The following LRFN2 variants were observed in gnomAD, a reference collection of about 807,000 sequenced individuals.
The protein encoded by LRFN2 is leucine-rich repeat and fibronectin type-III domain-containing protein 2.
A neutral mutation model predicts 37.3 loss-of-function variants in LRFN2; 18 were observed. That is an observed-to-expected ratio of 0.48 (90% CI 0.33 to 0.72). The LOEUF is 0.72. LRFN2 is among the 30% of genes least tolerant of loss of function. LRFN2 has a pLI of 0.02. For synonymous variants in LRFN2, 556 were observed against 466.6 expected, an observed-to-expected ratio of 1.19 and a Z score of -2.47; for missense variants, 1,006 against 1,060.7, an observed-to-expected ratio of 0.95 and a Z score of 0.72.
At chr6:40,440,039 C>A (rs555777582) in intron 1 of LRFN2, among the ~76,000 whole-genome samples, 2 of 151,754 alleles carry the variant, frequency 1.3e-5, no homozygotes, top group East Asian at 1.9e-4. Flanking sequence ...TTTCCCCAAA[C>A]AAAACCTTGG....
intron 1 of LRFN2, among the ~76,000 whole-genome samples, chr6:40,585,034 C>T (rs1255347354): frequency 1.3e-5 from 2 of 152,100 alleles, no homozygotes; most frequent in Non-Finnish European, 2.9e-5. Context: ...CAGCTTCTCA[C>T]GTTTCTGGGC....
chr6:40,479,232 A>G (rs1257826600), intron 1 of LRFN2, among the ~76,000 whole-genome samples: 1 of 152,216 alleles, frequency 6.6e-6, no homozygotes, highest in Non-Finnish European at 1.5e-5. Flanking sequence ...CTTCATCACA[A>G]TTAATAGAAG....
At chr6:40,522,093 G>A (rs1284574029) in intron 1 of LRFN2, among the ~76,000 whole-genome samples, 1 of 152,162 alleles carries the variant, frequency 6.6e-6, no homozygotes, top group African/African-American at 2.4e-5. Context: ...GACGTTGTAT[G>A]TGGTGCTGCC....
Position 40,526,099 on chromosome 6 carries a change from C to T in LRFN2, c.-19+60842G>A, listed in dbSNP as rs112729343. ...CACAGTTCTGAGCACTGCTTATGGG[C>T]TGACTGCGTAATTTGCACAATAATC... On this transcript the variant is annotated intron_variant, in intron 1 of 2. Transcript: ENST00000338305. Among the ~76,000 whole-genome samples the T allele has an allele frequency of 8.4e-3, 1,281 of 152,362 alleles. 24 individuals carry two copies. Among genetic ancestry groups the T allele is most frequent in the African/African-American group, 0.03 (1,230 of 41,592 alleles).
chr6:40,506,883 A>T (rs1057158384), intron 1 of LRFN2, among the ~76,000 whole-genome samples: 3 of 152,164 alleles, frequency 2.0e-5, no homozygotes, highest in African/African-American at 7.2e-5. Context: ...GCTTCCTCAG[A>T]TGCCAAATGG....
At chr6:40,456,548 C>T (rs1287424137) in intron 1 of LRFN2, among the ~76,000 whole-genome samples, 2 of 152,172 alleles carry the variant, frequency 1.3e-5, no homozygotes, top group Non-Finnish European at 2.9e-5. Context: ...AAATAATGAT[C>T]GTGCTGCTGC....
chr6:40,392,241 T>G lies in LRFN2; in HGVS notation c.2072A>C (p.His691Pro). The change falls in exon 3 of 3, where the codon CAC becomes CCC. Residue 691 changes from histidine to proline, a missense_variant. Coordinates refer to ENST00000338305, the MANE Select transcript of LRFN2 (RefSeq NM_020737.3). This position sits in a 1 kb window ranked among gnomAD's most constrained non-coding sequence, Gnocchi z 4.7. ...GRGAGTSARG[H>P]HSDREPLLGP... is the part of the protein sequence containing the mutation. ...CAGCAGTGGCTCTCGGTCCGAGTGGTGGCCCCGGGCCGACGTCCCAGCCCC... is the reference window on the plus strand; with the variant it reads ...CAGCAGTGGCTCTCGGTCCGAGTGGGGGCCCCGGGCCGACGTCCCAGCCCC... 6.4e-7 allele frequency: 1 copy of G among 1,573,810 alleles called. No individual in the cohort carries two copies. Among genetic ancestry groups the G allele is most frequent in the South Asian group, 1.2e-5 (1 of 83,696 alleles).
chr6:40,507,348 C>A (rs927824252), intron 1 of LRFN2, among the ~76,000 whole-genome samples: 4 of 152,170 alleles, frequency 2.6e-5, no homozygotes, highest in African/African-American at 9.7e-5. Context: ...GTTTTGATTA[C>A]CACTGTTTAT....
chr6:40,577,824 T>A (rs370066436), intron 1 of LRFN2, among the ~76,000 whole-genome samples: 70,212 of 140,928 alleles, frequency 0.5, 17,454 homozygotes, highest in Middle Eastern at 0.62. Flanking sequence ...TTAAAAAAAA[T>A]AAAAATAAAT....
intron 1 of LRFN2, among the ~76,000 whole-genome samples, chr6:40,437,729 A>ATCC (rs1311379536): frequency 6.6e-6 from 1 of 152,166 alleles, no homozygotes; most frequent in African/African-American, 2.4e-5. Flanking sequence ...CTGGATGAAT[A>ATCC]TGTGTAATTA....
At chr6:40,561,886 G>T (rs772324407) in intron 1 of LRFN2, among the ~76,000 whole-genome samples, 15 of 152,070 alleles carry the variant, frequency 9.9e-5, no homozygotes, top group African/African-American at 1.4e-4. Context: ...AGGCCTCAGG[G>T]AACCCTAGGC....
chr6:40,498,787 GCACAGA>G (rs1287729944), intron 1 of LRFN2, among the ~76,000 whole-genome samples: 10 of 152,172 alleles, frequency 6.6e-5, no homozygotes, highest in Non-Finnish European at 8.8e-5. Context: ...CCACGGAGAG[GCACAGA>G]CACTTTGCCT....
At chr6:40,519,400 G>A (rs573562972) in intron 1 of LRFN2, among the ~76,000 whole-genome samples, 2 of 152,302 alleles carry the variant, frequency 1.3e-5, no homozygotes, top group East Asian at 3.9e-4. Flanking sequence ...AGACTTTGAA[G>A]TTCCTCCCGT....
intron 1 of LRFN2, among the ~76,000 whole-genome samples, chr6:40,570,119 C>T (rs1205251817): frequency 3.3e-5 from 5 of 152,118 alleles, no homozygotes; most frequent in Admixed American, 3.3e-4. Flanking sequence ...GTTATAGCCC[C>T]CCAGGTGATT....
chr6:40,530,193 C>T (rs936501219), intron 1 of LRFN2, among the ~76,000 whole-genome samples: 5 of 152,182 alleles, frequency 3.3e-5, no homozygotes, highest in South Asian at 2.1e-4. Flanking sequence ...CAGGCCTGCT[C>T]GGGGAAACCT....
intron 1 of LRFN2, among the ~76,000 whole-genome samples, chr6:40,524,148 C>G (rs957589536): frequency 6.6e-6 from 1 of 152,204 alleles, no homozygotes; most frequent in Admixed American, 6.5e-5. Flanking sequence ...TCTTAGCACA[C>G]AGAGGGAGAG....
chr6:40,394,454 T>C (rs996991180), intron 2 of LRFN2, among the ~76,000 whole-genome samples: 8 of 152,142 alleles, frequency 5.3e-5, no homozygotes, highest in Non-Finnish European at 7.3e-5. Context: ...GGCAACTTAA[T>C]TAAGATCTCA....
intron 2 of LRFN2, among the ~76,000 whole-genome samples, chr6:40,427,675 C>A (rs1430810485): frequency 6.6e-6 from 1 of 152,220 alleles, no homozygotes; most frequent in Non-Finnish European, 1.5e-5. Flanking sequence ...CTGAGAAAGT[C>A]TTTCCAGAGT....
intron 1 of LRFN2, among the ~76,000 whole-genome samples, chr6:40,454,777 T>A (rs1202635677): frequency 1.3e-5 from 2 of 152,200 alleles, no homozygotes; most frequent in Non-Finnish European, 2.9e-5. Flanking sequence ...TATAGCATTG[T>A]TTATAAGAGC....
Sources: allele counts gnomAD v4.1 joint callset (sites outside exome capture counted in the v4.1 genomes callset), GRCh38; gene constraint gnomAD v4.1.1; non-coding constraint Gnocchi (gnomAD v3.1); transcripts MANE v1.5; gene names NCBI Gene and HGNC (gene_info 2026-07-23, HGNC 2026-07-21).